Variants in ARID3A observed in about 807,000 individuals in gnomAD.
The protein encoded by ARID3A is AT-rich interaction domain 3A, also known as AT-rich interactive domain-containing protein 3A.
A neutral mutation model predicts 52.7 loss-of-function variants in ARID3A; 11 were observed. That is an observed-to-expected ratio of 0.21 (90% confidence interval 0.13 to 0.35). The LOEUF (loss-of-function observed/expected upper bound fraction) is 0.35. Ranked by LOEUF, ARID3A falls within the 10% of genes least tolerant of loss-of-function variation. The pLI, the probability that ARID3A is intolerant of heterozygous loss-of-function variation, is 1.00. For missense variants in ARID3A, 721 were observed against 838.5 expected, an observed-to-expected ratio of 0.86 and a Z score of 1.73; for synonymous variants, 404 against 359.4, an observed-to-expected ratio of 1.12 and a Z score of -1.40.
Position 942,316 on chromosome 19 carries a change from G to A in ARID3A, c.693+9574G>A, listed in dbSNP as rs982669409. Among the ~76,000 whole-genome samples the A allele has an allele frequency of 5.3e-5, 8 of 152,160 alleles. No individual in the cohort carries two copies. Among genetic ancestry groups the A allele is most frequent in the African/African-American group, 1.9e-4 (8 of 41,434 alleles). ...TGTCGATCCTGACTGGGGCGGTGGC[G>A]ACATGGCCCCCGCAGCTGCCCGGCG... is the stretch of plus-strand genomic sequence containing the variant. On this transcript the variant is annotated intron_variant, in intron 3 of 8. Coordinates refer to ENST00000263620, the MANE Select transcript of ARID3A (RefSeq NM_005224.3). The surrounding 1 kb of genome is among the most constrained non-coding windows in gnomAD (Gnocchi z 8.1).
chr19:966,770 T>C lies in ARID3A; in HGVS notation c.1397T>C (p.Val466Ala), dbSNP rs756345868. The change falls in exon 7 of 9, where the codon GTG becomes GCG. Residue 466 changes from valine (V) to alanine (A), a missense_variant. This residue lies in a region of ARID3A where 297 missense variants were observed against 343.2 expected (regional missense o/e 0.87). Transcript: ENST00000263620. ...AEPPEKKMALVADEQQRLMQR... is the reference protein window; with the variant it reads ...AEPPEKKMALAADEQQRLMQR... ...CCTCCGGAGAAGAAGATGGCCCTGG[T>C]GGCCGATGAGCAGCAACGGCTGATG... The C allele has an allele frequency of 6.2e-7, 1 of 1,613,534 alleles. No homozygotes were observed. Among genetic ancestry groups the C allele is most frequent in the Non-Finnish European group, 8.5e-7 (1 of 1,179,982 alleles).
intron 3 of ARID3A, among the ~76,000 whole-genome samples, chr19:950,987 C>T (rs1195230322): frequency 6.6e-6 from 1 of 151,838 alleles, no homozygotes; most frequent in Non-Finnish European, 1.5e-5. Flanking sequence ...CACGCCTGGC[C>T]TATTTTGTAT....
Position 972,119 on chromosome 19 carries a change from G to C in ARID3A, c.*54G>C, listed in dbSNP as rs2038289874. ...CTGGAGCCCGCCGGCCTGGGCAGGG[G>C]GTCCAGGTGGGCCACACAGGGGCCA... On this transcript the variant is annotated 3_prime_UTR_variant, in exon 9 of 9. Transcript: ENST00000263620. The C allele has an allele frequency of 6.8e-7, 1 of 1,460,618 alleles. No individual in the cohort carries two copies. Among genetic ancestry groups the C allele is most frequent in the African/African-American group, 1.5e-5 (1 of 66,862 alleles). 90.5% of individuals were successfully genotyped at this position (1,460,618 alleles called of 1,614,324 possible).
chr19:934,083 A>G (rs955478670), intron 3 of ARID3A, among the ~76,000 whole-genome samples: 1 of 152,180 alleles, frequency 6.6e-6, no homozygotes, highest in African/African-American at 2.4e-5. Flanking sequence ...CAATTAATTT[A>G]ACATTCACCC....
chr19:964,351 C>T lies in ARID3A; in HGVS notation c.870C>T (p.Asn290=). The T allele has an allele frequency of 1.9e-6, 3 of 1,614,060 alleles. No homozygotes were observed. Among genetic ancestry groups the T allele is most frequent in the Non-Finnish European group, 2.5e-6 (3 of 1,179,970 alleles). ...AGGGCGGCCTCGTGGAGGTCATCAA[C>T]AAGAAGCTGTGGCGTGAGATCACCA... ...TEKGGLVEVI[N]KKLWREITKG... The change falls in exon 5 of 9, where the codon AAC becomes AAT. Residue 290 remains asparagine, a synonymous_variant. Transcript: ENST00000263620. The surrounding 1 kb of genome is among the most constrained non-coding windows in gnomAD (Gnocchi z 5.7).
At chr19:968,728 C>T in intron 8 of ARID3A, 1 of 487,868 alleles carries the variant, frequency 2.0e-6, no homozygotes, top group Non-Finnish European at 3.7e-6. Flanking sequence ...GATACATATT[C>T]AGTGTGACGT....
chr19:927,465 C>T (rs900545780), intron 1 of ARID3A, among the ~76,000 whole-genome samples: 2 of 152,000 alleles, frequency 1.3e-5, no homozygotes, highest in South Asian at 2.1e-4. Context: ...TCCCCTCCCC[C>T]ACCCGGCGAC....
intron 3 of ARID3A, among the ~76,000 whole-genome samples, chr19:956,249 C>A (rs1233072502): frequency 6.6e-6 from 1 of 152,004 alleles, no homozygotes; most frequent in Non-Finnish European, 1.5e-5. Context: ...TCGTCCTGTC[C>A]CCCTCTCCGC....
intron 2 of ARID3A, 149 bp downstream of exon 2, chr19:930,045 C>T (rs949920742): frequency 2.1e-5 from 26 of 1,222,280 alleles, no homozygotes; most frequent in East Asian, 5.2e-5. Context: ...GGGAGGATCA[C>T]GTGGGCCCAG....
intron 8 of ARID3A, among the ~76,000 whole-genome samples, chr19:970,771 C>G (rs918618349): frequency 2.0e-5 from 3 of 151,908 alleles, no homozygotes; most frequent in Non-Finnish European, 2.9e-5. Context: ...CCACACCCGG[C>G]GGTAAATGAA....
At chr19:928,548 T>C (rs350144) in intron 1 of ARID3A, 132,266 of 152,074 alleles carry the variant, frequency 0.87, 57,614 homozygotes, top group East Asian at 1. Flanking sequence ...TGGGTTCAAA[T>C]CCCACCGCCA....
chr19:972,136 CAG>C lies in ARID3A; in HGVS notation c.*72_*73del. 2.9e-6 allele frequency: 4 copies of C among 1,403,338 alleles called. No individual in the cohort carries two copies. The highest frequency in any genetic ancestry group is 2.8e-6 in the Non-Finnish European group (3 of 1,061,314). The allele number at this position is 1,403,338 out of a possible 1,614,324, so 86.9% of individuals were successfully genotyped here. ...GGGCAGGGGGTCCAGGTGGGCCACACAGGGGCCAGGATGGCGGAAGATACGGG... is the reference window on the plus strand; with the variant it reads ...GGGCAGGGGGTCCAGGTGGGCCACACGGGCCAGGATGGCGGAAGATACGGG... On this transcript the variant is annotated 3_prime_UTR_variant, in exon 9 of 9. Transcript: ENST00000263620.
Position 939,128 on chromosome 19 carries a change from A to T in ARID3A, c.693+6386A>T, listed in dbSNP as rs10413048. On this transcript the variant is annotated intron_variant, in intron 3 of 8. Coordinates refer to ENST00000263620, the MANE Select transcript of ARID3A (RefSeq NM_005224.3). ...TTATTTATTTATTTATTTATTTATTATTATTATTTTAGACGGAGTCTTGCT... is the reference window on the plus strand; with the variant it reads ...TTATTTATTTATTTATTTATTTATTTTTATTATTTTAGACGGAGTCTTGCT... Among the ~76,000 whole-genome samples, 390 of 145,296 alleles carry T rather than the reference A, an allele frequency of 2.7e-3. 4 individuals are homozygous for T. The highest frequency in any genetic ancestry group is 6.4e-3 in the South Asian group (30 of 4,676).
At chr19:957,689 A>G (rs1457375958) in intron 3 of ARID3A, among the ~76,000 whole-genome samples, 1 of 152,150 alleles carries the variant, frequency 6.6e-6, no homozygotes, top group Non-Finnish European at 1.5e-5. Flanking sequence ...AAGAAAATGT[A>G]AAAACTTAGC....
At chr19:945,270 G>A (rs1230528096) in intron 3 of ARID3A, among the ~76,000 whole-genome samples, 1 of 152,236 alleles carries the variant, frequency 6.6e-6, no homozygotes, top group African/African-American at 2.4e-5. Flanking sequence ...CCCGTAAGAC[G>A]GGGATGGTAT....
intron 3 of ARID3A, among the ~76,000 whole-genome samples, chr19:939,420 C>T (rs1165927124): frequency 1.3e-5 from 2 of 152,102 alleles, no homozygotes; most frequent in Non-Finnish European, 2.9e-5. Context: ...CCCGGCCTCT[C>T]GATACACTTT....
rs113312654 is a variant in ARID3A at position 941,296 on chromosome 19, G to A, written c.693+8554G>A. Among the ~76,000 whole-genome samples the A allele has an allele frequency of 1.1e-3, 169 of 152,340 alleles. 1 individual carries two copies. The highest frequency in any genetic ancestry group is 3.8e-3 in the African/African-American group (158 of 41,578). ...CCGGGCGGCTCGTGGGTCCTGTCTC[G>A]TGGGACCCTGCCTGGGAGGGAATCT... On this transcript the variant is annotated intron_variant, in intron 3 of 8. Coordinates refer to ENST00000263620, the MANE Select transcript of ARID3A (RefSeq NM_005224.3). The surrounding 1 kb of genome is among the most constrained non-coding windows in gnomAD (Gnocchi z 6.9).
rs903933657 is a variant in ARID3A at position 960,340 on chromosome 19, A to C, written c.766+176A>C. Among the ~76,000 whole-genome samples the C allele has an allele frequency of 1.3e-5, 2 of 152,038 alleles. No individual in the cohort carries two copies. Among genetic ancestry groups the C allele is most frequent in the South Asian group, 4.1e-4 (2 of 4,822 alleles). On this transcript the variant is annotated intron_variant, in intron 4 of 8. Transcript: ENST00000263620. The surrounding 1 kb of genome is among the most constrained non-coding windows in gnomAD (Gnocchi z 4.3). ...GTCTTGGGGGGAAACACATCCTGCC[A>C]TGGAGGTTTGACGCGGGAGGCACGC... is the stretch of plus-strand genomic sequence containing the variant.
rs554289878 is a variant in ARID3A, at chr19:960,227, C to T, written c.766+63C>T. 1.8e-5 allele frequency: 26 copies of T among 1,480,326 alleles called. No individual in the cohort carries two copies. In the South Asian group the frequency reaches 3.2e-4, roughly 18 times the overall value. 91.7% of individuals were successfully genotyped at this position (1,480,326 alleles called of 1,614,324 possible). On this transcript the variant is annotated intron_variant, in intron 4 of 8. Transcript: ENST00000263620. This position sits in a 1 kb window ranked among gnomAD's most constrained non-coding sequence, Gnocchi z 4.3. Reference sequence around the variant, plus strand: ...CAGAAACAGGGCTGTAGGAGGGGCCCTACTGGCTCCAGGTATGTCGGGGCG... The same window carrying T: ...CAGAAACAGGGCTGTAGGAGGGGCCTTACTGGCTCCAGGTATGTCGGGGCG...
Sources: allele counts gnomAD v4.1 joint callset (sites outside exome capture counted in the v4.1 genomes callset), GRCh38; gene constraint gnomAD v4.1.1; regional missense constraint gnomAD v4.1.1; non-coding constraint Gnocchi (gnomAD v3.1); transcripts MANE v1.5; gene names NCBI Gene and HGNC (gene_info 2026-07-23, HGNC 2026-07-21).